AGBL1: variants seen among roughly 807,000 people sequenced by gnomAD.
AGBL1 encodes the protein cytosolic carboxypeptidase 4.
In AGBL1, 130 loss-of-function variants were observed where a neutral mutation model predicts 118.9. The ratio of observed to expected loss-of-function variants is 1.09; its 90% CI spans 0.95 to 1.26. The LOEUF is 1.26. AGBL1 is among the 50% of genes most tolerant of loss of function. The probability of loss-of-function intolerance (pLI) is 0.00; values close to 1 mark genes in which losing one functional copy is unlikely to be tolerated. For missense variants in AGBL1, 1,584 were observed against 1,298.1 expected (o/e 1.22, Z -3.38); for synonymous variants, 555 against 478.9 (o/e 1.16, Z -2.08).
chr15:86,962,728 A>G (rs2081005554), intron 23 of AGBL1, among the ~76,000 whole-genome samples: 1 of 152,114 alleles, frequency 6.6e-6, no homozygotes, highest in South Asian at 2.1e-4. Flanking sequence ...GGACCTTGCT[A>G]TTCAAAATAT....
chr15:86,796,775 T>A (rs77237302), intron 22 of AGBL1, among the ~76,000 whole-genome samples: 3,622 of 152,310 alleles, frequency 0.024, 152 homozygotes, highest in African/African-American at 0.083. Context: ...GAGTTGACTA[T>A]TTGCATCAGA....
chr15:86,354,935 C>T (rs991466806), intron 17 of AGBL1, among the ~76,000 whole-genome samples: 1 of 152,170 alleles, frequency 6.6e-6, no homozygotes, highest in Non-Finnish European at 1.5e-5. Flanking sequence ...ATGAAACAAA[C>T]TTGATGTGCT....
At chr15:86,399,294 T>C (rs1024635810) in intron 18 of AGBL1, among the ~76,000 whole-genome samples, 1 of 152,178 alleles carries the variant, frequency 6.6e-6, no homozygotes, top group African/African-American at 2.4e-5. Flanking sequence ...TCCTCCCTGC[T>C]TGAGCAGCCA....
chr15:86,156,719 C>G (rs151324880), intron 4 of AGBL1, among the ~76,000 whole-genome samples: 49 of 151,298 alleles, frequency 3.2e-4, no homozygotes, highest in African/African-American at 1.1e-3. Flanking sequence ...TAATAGGTGA[C>G]TTTTTATTTC....
rs1166643505 is a variant in AGBL1 at position 86,269,936 on chromosome 15, T to C, written c.1856T>C (p.Leu619Pro). Residue 619 changes from leucine to proline, a missense_variant, in exon 14 of 23, where the codon CTG becomes CCG. Coordinates refer to ENST00000614907, the MANE Select transcript of AGBL1 (RefSeq NM_001386094.1). ...IQVREFEYDL[L>P]VNADVNSTQH... ...ATCTGCAGGTTCGAGTATGACTTGC[T>C]GGTCAACGCAGATGTGAATAGCACC... 1 of 1,613,826 alleles carries C rather than the reference T, an allele frequency of 6.2e-7. No homozygotes were observed. Among genetic ancestry groups the C allele is most frequent in the Non-Finnish European group, 8.5e-7 (1 of 1,179,802 alleles).
intron 24 of AGBL1, among the ~76,000 whole-genome samples, chr15:87,002,379 A>G (rs1318197139): frequency 3.9e-5 from 6 of 151,900 alleles, no homozygotes; most frequent in African/African-American, 1.5e-4. Context: ...TGGTTACTGT[A>G]GCCTTGTAGT....
intron 21 of AGBL1, among the ~76,000 whole-genome samples, chr15:86,569,181 C>G (rs761342230): frequency 6.6e-5 from 10 of 151,934 alleles, no homozygotes; most frequent in Non-Finnish European, 1.0e-4. Flanking sequence ...CCTGTTATCC[C>G]AACAATTTGG....
At chr15:86,698,631 G>A (rs1324271614) in intron 22 of AGBL1, among the ~76,000 whole-genome samples, 1 of 146,778 alleles carries the variant, frequency 6.8e-6, no homozygotes, top group African/African-American at 2.5e-5. Context: ...TTTTTAAAAA[G>A]AGACCAACAG....
intron 22 of AGBL1, among the ~76,000 whole-genome samples, chr15:86,838,788 T>A (rs949735330): frequency 4.7e-5 from 7 of 149,906 alleles, no homozygotes; most frequent in South Asian, 2.1e-4. Context: ...AAAAAAAATT[T>A]AAAAAAATAG....
chr15:86,980,885 CT>C (rs36077192), intron 23 of AGBL1, among the ~76,000 whole-genome samples: 9,601 of 118,720 alleles, frequency 0.081, 204 homozygotes, highest in East Asian at 0.22. Flanking sequence ...CAGAAACATC[CT>C]TTTTTTTTTT....
At chr15:86,463,757 C>T (rs187851337) in intron 18 of AGBL1, among the ~76,000 whole-genome samples, 42 of 152,074 alleles carry the variant, frequency 2.8e-4, no homozygotes, top group Admixed American at 1.4e-3. Context: ...TGTAGAAGTG[C>T]GGCATTTTTT....
intron 22 of AGBL1, among the ~76,000 whole-genome samples, chr15:86,825,808 C>A (rs563949842): frequency 6.7e-6 from 1 of 149,036 alleles, no homozygotes; most frequent in Non-Finnish European, 1.5e-5. Context: ...TAAGTGATAG[C>A]ACTAAATATT....
At position 86,526,749 on chromosome 15, in the gene AGBL1, G is replaced by C. The variant is rs566031807; in HGVS notation, c.2685+3810G>C. On this transcript the variant is annotated intron_variant, in intron 19 of 22. Coordinates refer to ENST00000614907, the MANE Select transcript of AGBL1 (RefSeq NM_001386094.1). ...GGAACTGGAGGCCATTATCCTATGT[G>C]AAGTAACCCAGGAATGAAATATCAC... Among the ~76,000 whole-genome samples the C allele has an allele frequency of 1.2e-4, 18 of 151,952 alleles. No individual in the cohort carries two copies. In the South Asian group the frequency reaches 3.3e-3, roughly 28 times the overall value.
At chr15:87,020,570 G>A (rs190153940) in intron 24 of AGBL1, among the ~76,000 whole-genome samples, 56 of 150,266 alleles carry the variant, frequency 3.7e-4, no homozygotes, top group Middle Eastern at 3.5e-3. Context: ...TTATTTTTGT[G>A]GATATCATGA....
At chr15:86,221,717 T>C (rs960875987) in intron 5 of AGBL1, among the ~76,000 whole-genome samples, 6 of 152,176 alleles carry the variant, frequency 3.9e-5, no homozygotes, top group African/African-American at 1.2e-4. Flanking sequence ...ACAGATCTTA[T>C]GTGGACACTA....
intron 7 of AGBL1, among the ~76,000 whole-genome samples, chr15:86,256,637 T>G (rs375756691): frequency 6.6e-6 from 1 of 152,216 alleles, no homozygotes; most frequent in Non-Finnish European, 1.5e-5. Flanking sequence ...GACAGAAAAG[T>G]GCAGATTCTA....
At chr15:86,744,643 G>A (rs550131268) in intron 22 of AGBL1, among the ~76,000 whole-genome samples, 1 of 152,100 alleles carries the variant, frequency 6.6e-6, no homozygotes, top group African/African-American at 2.4e-5. Flanking sequence ...CAGAGGGGGG[G>A]AGGAGTTAAA....
At chr15:86,695,331 T>C (rs2086237973) in intron 22 of AGBL1, among the ~76,000 whole-genome samples, 1 of 152,080 alleles carries the variant, frequency 6.6e-6, no homozygotes, top group Non-Finnish European at 1.5e-5. Flanking sequence ...GAGGGTTGTA[T>C]ATCTCCAAGA....
intron 18 of AGBL1, among the ~76,000 whole-genome samples, chr15:86,499,463 T>C (rs1163961729): frequency 1.3e-5 from 2 of 151,816 alleles, no homozygotes; most frequent in Non-Finnish European, 2.9e-5. Flanking sequence ...AGAAATATTT[T>C]AGAAGTTGAA....
Sources: allele counts gnomAD v4.1 joint callset (sites outside exome capture counted in the v4.1 genomes callset), GRCh38; gene constraint gnomAD v4.1.1; transcripts MANE v1.5; gene names NCBI Gene and HGNC (gene_info 2026-07-23, HGNC 2026-07-21).